Variants in BCAS1 observed in about 807,000 individuals in gnomAD.
The protein encoded by BCAS1 is brain enriched myelin associated protein 1.
Under a neutral mutation model 65.4 loss-of-function variants are expected in BCAS1, and 46 were observed. The ratio of observed to expected loss-of-function variants is 0.70; its 90% CI spans 0.55 to 0.90. The LOEUF (loss-of-function observed/expected upper bound fraction) is 0.90, where lower values mean the gene tolerates loss of function less well. BCAS1 is among the 40% of genes least tolerant of loss of function. The pLI, the probability that BCAS1 is intolerant of heterozygous loss-of-function variation, is 0.00. For synonymous variants in BCAS1, 298 were observed against 293.5 expected, an observed-to-expected ratio of 1.02 and a Z score of -0.16; for missense variants, 793 against 771.2, an observed-to-expected ratio of 1.03 and a Z score of -0.33.
intron 3 of BCAS1, among the ~76,000 whole-genome samples, chr20:54,042,880 A>T (rs561607962): frequency 6.6e-6 from 1 of 152,248 alleles, no homozygotes; most frequent in South Asian, 2.1e-4. Context: ...GGCAGGTTCT[A>T]ACCAATGAGC....
At chr20:54,035,501 C>G (rs1396988251) in intron 3 of BCAS1, among the ~76,000 whole-genome samples, 1 of 149,560 alleles carries the variant, frequency 6.7e-6, no homozygotes, top group African/African-American at 2.4e-5. Flanking sequence ...TCAAAAACCA[C>G]AATGAGATAC....
intron 5 of BCAS1, 34 bp downstream of exon 5, chr20:53,995,858 A>G (rs757707268): frequency 1.9e-6 from 3 of 1,557,544 alleles, no homozygotes; most frequent in Non-Finnish European, 2.6e-6. Context: ...TTTGAGCAAT[A>G]GAGTGGAGGG....
chr20:53,990,365 GT>G (rs1346158532), intron 7 of BCAS1, among the ~76,000 whole-genome samples: 6 of 152,098 alleles, frequency 3.9e-5, no homozygotes, highest in African/African-American at 1.4e-4. Flanking sequence ...GAGAAAAATG[GT>G]TCCAATTCAG....
intron 4 of BCAS1, among the ~76,000 whole-genome samples, chr20:54,011,081 C>T (rs1600860895): frequency 6.6e-6 from 1 of 151,902 alleles, no homozygotes; most frequent in East Asian, 1.9e-4. Flanking sequence ...AAAATTATCT[C>T]AAAAGAGATC....
At chr20:54,065,603 C>T (rs1223195198) in intron 1 of BCAS1, among the ~76,000 whole-genome samples, 2 of 152,206 alleles carry the variant, frequency 1.3e-5, no homozygotes, top group Non-Finnish European at 2.9e-5. Flanking sequence ...TATTGAGGGG[C>T]CCTGCTCTAG....
At chr20:54,002,930 A>G (rs1219049477) in intron 4 of BCAS1, among the ~76,000 whole-genome samples, 2 of 152,162 alleles carry the variant, frequency 1.3e-5, no homozygotes, top group Non-Finnish European at 2.9e-5. Context: ...CACCTGCTCA[A>G]CTGGGCATTT....
chr20:53,994,591 T>A (rs1161471104), intron 6 of BCAS1, among the ~76,000 whole-genome samples: 1 of 152,212 alleles, frequency 6.6e-6, no homozygotes, highest in Admixed American at 6.5e-5. Context: ...TCTTCTACTT[T>A]ATTTTTTTAG....
intron 3 of BCAS1, among the ~76,000 whole-genome samples, chr20:54,034,381 A>G (rs187262154): frequency 6.6e-6 from 1 of 151,346 alleles, no homozygotes; most frequent in East Asian, 1.9e-4. Flanking sequence ...TATCTAGAAA[A>G]CCCCATAGTC....
chr20:53,975,515 C>A (rs2090308365), intron 8 of BCAS1, 85 bp from the exon 9 acceptor site: 1 of 1,147,106 alleles, frequency 8.7e-7, no homozygotes, highest in Admixed American at 1.9e-5. Flanking sequence ...TAGTTGGGCT[C>A]ACAGTCTTGG....
At chr20:54,045,401 G>C (rs2092084839) in intron 3 of BCAS1, among the ~76,000 whole-genome samples, 1 of 152,146 alleles carries the variant, frequency 6.6e-6, no homozygotes, top group Non-Finnish European at 1.5e-5. Flanking sequence ...ATTTGGAGTT[G>C]AGATGGGGAA....
At chr20:53,987,483 CT>C (rs1323953145) in intron 7 of BCAS1, among the ~76,000 whole-genome samples, 2 of 152,172 alleles carry the variant, frequency 1.3e-5, no homozygotes, top group Non-Finnish European at 2.9e-5. Flanking sequence ...GTAAGTACCC[CT>C]CCTCCTAACA....
At chr20:53,949,952 G>A (rs1264892003) in intron 12 of BCAS1, among the ~76,000 whole-genome samples, 2 of 152,158 alleles carry the variant, frequency 1.3e-5, no homozygotes, top group Non-Finnish European at 2.9e-5. Context: ...GGAATCACCA[G>A]GCCAATCTCC....
chr20:54,043,037 G>A (rs887148036), intron 3 of BCAS1, among the ~76,000 whole-genome samples: 1 of 152,206 alleles, frequency 6.6e-6, no homozygotes. Context: ...ATCACCTGGA[G>A]CTGATGTAAC....
intron 4 of BCAS1, among the ~76,000 whole-genome samples, chr20:53,998,986 G>A (rs2090991163): frequency 6.6e-6 from 1 of 152,176 alleles, no homozygotes; most frequent in Non-Finnish European, 1.5e-5. Flanking sequence ...CACACAGCTT[G>A]AGAGAGGCCA....
In BCAS1 at chr20:53,995,963, C is replaced by T; in HGVS notation, c.811G>A (p.Ala271Thr). 1 of 1,613,616 alleles carries T rather than the reference C, an allele frequency of 6.2e-7. No individual in the cohort carries two copies. The highest frequency in any genetic ancestry group is 1.1e-5 in the South Asian group (1 of 91,010). ...GCTGCTGCCTGGGAATCGTCCTTTG[C>T]AGTCTCCAGTCCTTCTGGGTCCCCA... is the stretch of plus-strand genomic sequence containing the variant. Reference protein sequence around the residue: ...VPGDPEGLETAKDDSQAAAIA... With the variant: ...VPGDPEGLETTKDDSQAAAIA... The change falls in exon 5 of 13, where the codon GCA (alanine) becomes ACA (threonine). Residue 271 changes from alanine (A) to threonine (T), a missense_variant. Transcript: ENST00000688948.
intron 4 of BCAS1, among the ~76,000 whole-genome samples, chr20:54,024,877 T>G (rs982745227): frequency 2.6e-5 from 4 of 152,140 alleles, no homozygotes; most frequent in African/African-American, 9.7e-5. Context: ...ATGGAGTGTG[T>G]TCAAGAGAGA....
chr20:53,989,875 G>A (rs1398377076), intron 7 of BCAS1, among the ~76,000 whole-genome samples: 1 of 152,106 alleles, frequency 6.6e-6, no homozygotes, highest in Non-Finnish European at 1.5e-5. Context: ...TCTAGCATAA[G>A]CATGTCCCAA....
intron 4 of BCAS1, among the ~76,000 whole-genome samples, chr20:54,018,493 C>T (rs1600885715): frequency 6.6e-6 from 1 of 151,772 alleles, no homozygotes; most frequent in South Asian, 2.1e-4. Flanking sequence ...CCCGCCACCA[C>T]GCCTGGCTAA....
chr20:53,996,638 ATCTCACC>A (rs2090922939), intron 4 of BCAS1, among the ~76,000 whole-genome samples: 1 of 151,894 alleles, frequency 6.6e-6, no homozygotes, highest in Non-Finnish European at 1.5e-5. Context: ...TCCTTTCACC[ATCTCACC>A]TCTCACGACC....
Sources: gnomAD v4.1 joint callset for allele counts (sites outside exome capture counted in the v4.1 genomes callset) on GRCh38, gnomAD v4.1.1 for gene constraint, MANE v1.5 for transcripts, NCBI Gene and HGNC (gene_info 2026-07-23, HGNC 2026-07-21) for gene names.